GAS2: variants seen among roughly 807,000 people sequenced by gnomAD.
The protein encoded by GAS2 is growth arrest specific 2.
A neutral mutation model predicts 37.5 loss-of-function variants in GAS2; 20 were observed. That is an observed-to-expected ratio of 0.53 (90% CI 0.37 to 0.77). The LOEUF (loss-of-function observed/expected upper bound fraction) is 0.77, where lower values mean the gene tolerates loss of function less well. Among genes scored for constraint, GAS2 ranks in the 30% least tolerant of loss-of-function variants. The pLI is 0.00. For missense variants in GAS2, 336 were observed against 373.4 expected (o/e 0.90, Z 0.82); for synonymous variants, 144 against 132.2 (o/e 1.09, Z -0.61).
chr11:22,646,094 C>T (rs181350004), intron 1 of GAS2, among the ~76,000 whole-genome samples: 11 of 152,174 alleles, frequency 7.2e-5, no homozygotes, highest in African/African-American at 2.6e-4. Context: ...CCAACTGTCT[C>T]GGCCTCCTGA....
intron 1 of GAS2, chr11:22,626,206 A>C (rs904240272): frequency 1.4e-5 from 4 of 283,962 alleles, no homozygotes; most frequent in African/African-American, 6.5e-5. Context: ...AACGCCAGAG[A>C]CATACTGTGA....
At chr11:22,808,219 C>A (rs751159568) in intron 7 of GAS2, among the ~76,000 whole-genome samples, 15 of 152,150 alleles carry the variant, frequency 9.9e-5, no homozygotes, top group African/African-American at 3.1e-4. Context: ...ATCAAAGGAA[C>A]CTTCACATGA....
At chr11:22,685,824 G>C in intron 3 of GAS2, 35 bp downstream of exon 3, 1 of 1,577,938 alleles carries the variant, frequency 6.3e-7, no homozygotes, top group Non-Finnish European at 8.6e-7. Flanking sequence ...ACTCTTAGGT[G>C]GTAGATTACA....
intron 7 of GAS2, among the ~76,000 whole-genome samples, chr11:22,783,246 AG>A (rs1290553048): frequency 1.3e-5 from 2 of 151,988 alleles, no homozygotes; most frequent in Non-Finnish European, 2.9e-5. Context: ...TCTTCTTTTG[AG>A]AGGTGTCTAT....
At chr11:22,753,446 TTCTG>T (rs1448782278) in intron 6 of GAS2, among the ~76,000 whole-genome samples, 1 of 152,118 alleles carries the variant, frequency 6.6e-6, no homozygotes, top group Non-Finnish European at 1.5e-5. Flanking sequence ...TACCAAGAGT[TTCTG>T]TCTTTTGTCT....
intron 5 of GAS2, among the ~76,000 whole-genome samples, chr11:22,743,805 C>T (rs1264560668): frequency 6.6e-6 from 1 of 152,062 alleles, no homozygotes; most frequent in African/African-American, 2.4e-5. Flanking sequence ...CAGAGCATAA[C>T]TGAAGAAAAT....
At position 22,693,950 on chromosome 11, in the gene GAS2, G is replaced by A. The variant is rs189793788; in HGVS notation, c.267+8161G>A. Reference sequence around the variant, plus strand: ...TACTGCATGTTCTCACTTATAAGTGGTATCTAAATGATGAGAACCCATGGA... The same window carrying A: ...TACTGCATGTTCTCACTTATAAGTGATATCTAAATGATGAGAACCCATGGA... On this transcript the variant is annotated intron_variant, in intron 3 of 7. Coordinates refer to ENST00000454584, the MANE Select transcript of GAS2 (RefSeq NM_001143830.3). Among the ~76,000 whole-genome samples, 711 of 152,168 alleles carry A rather than the reference G, an allele frequency of 4.7e-3. 4 individuals carry two copies. The highest frequency in any genetic ancestry group is 6.4e-3 in the Non-Finnish European group (435 of 68,006).
At chr11:22,678,506 C>T (rs1849539489) in intron 2 of GAS2, among the ~76,000 whole-genome samples, 1 of 151,906 alleles carries the variant, frequency 6.6e-6, no homozygotes, top group African/African-American at 2.4e-5. Context: ...TTGAAAGTAG[C>T]TTTGGAATTG....
chr11:22,690,016 A>G (rs1850161865), intron 3 of GAS2, among the ~76,000 whole-genome samples: 1 of 152,246 alleles, frequency 6.6e-6, no homozygotes, highest in Non-Finnish European at 1.5e-5. Flanking sequence ...ATCCAAAGCC[A>G]TGCCACAGGA....
At chr11:22,779,048 T>G (rs1201405936) in intron 7 of GAS2, among the ~76,000 whole-genome samples, 1 of 151,650 alleles carries the variant, frequency 6.6e-6, no homozygotes, top group East Asian at 1.9e-4. Context: ...GTTTTTTGTT[T>G]TTTTTTTTTT....
intron 1 of GAS2, among the ~76,000 whole-genome samples, chr11:22,635,147 A>G (rs1858804245): frequency 6.6e-6 from 1 of 152,174 alleles, no homozygotes; most frequent in African/African-American, 2.4e-5. Context: ...TGTCTCAGGC[A>G]ATGGGCAGAG....
intron 7 of GAS2, among the ~76,000 whole-genome samples, chr11:22,786,653 C>T (rs569659103): frequency 1.1e-4 from 16 of 152,110 alleles, no homozygotes; most frequent in Non-Finnish European, 1.8e-4. Flanking sequence ...TGAATGTTGG[C>T]CTTGTGTGGA....
At chr11:22,775,437 A>C (rs1318405511) in intron 7 of GAS2, among the ~76,000 whole-genome samples, 2 of 152,170 alleles carry the variant, frequency 1.3e-5, no homozygotes, top group African/African-American at 4.8e-5. Context: ...TTGTCCTGCA[A>C]ACGATAACAG....
intron 1 of GAS2, among the ~76,000 whole-genome samples, chr11:22,634,743 A>G (rs541800756): frequency 6.6e-6 from 1 of 152,218 alleles, no homozygotes; most frequent in Admixed American, 6.5e-5. Flanking sequence ...CCTGTTCTCT[A>G]ATCTCACAGT....
chr11:22,648,314 T>G (rs369307805), intron 1 of GAS2, among the ~76,000 whole-genome samples: 29 of 152,188 alleles, frequency 1.9e-4, no homozygotes, highest in African/African-American at 5.8e-4. Flanking sequence ...CCATGCTGTT[T>G]TGGTTATTGT....
At position 22,692,626 on chromosome 11, in the gene GAS2, C is replaced by T. The variant is rs149413516; in HGVS notation, c.267+6837C>T. On this transcript the variant is annotated intron_variant, in intron 3 of 7. Coordinates refer to ENST00000454584, the MANE Select transcript of GAS2 (RefSeq NM_001143830.3). ...TTTCCAAAGGAAGCAGTCAGAAATG[C>T]ATTTATCTCAGCCATCAGAGGTATA... is the stretch of plus-strand genomic sequence containing the variant. Among the ~76,000 whole-genome samples the T allele has an allele frequency of 1.4e-4, 22 of 152,252 alleles. No individual in the cohort carries two copies. The East Asian group carries it at 4.2e-3, about 29-fold the overall frequency.
intron 1 of GAS2, among the ~76,000 whole-genome samples, chr11:22,674,350 C>T (rs1170950799): frequency 6.6e-6 from 1 of 151,946 alleles, no homozygotes; most frequent in Admixed American, 6.6e-5. Context: ...GCTTGGCCGT[C>T]TCCAAAAAAG....
At chr11:22,702,618 T>A (rs1177370490) in intron 3 of GAS2, 1 of 152,142 alleles carries the variant, frequency 6.6e-6, no homozygotes, top group East Asian at 1.9e-4. Context: ...TAAAATAAAA[T>A]CTATCATTTT....
At chr11:22,786,742 A>G (rs994378412) in intron 7 of GAS2, among the ~76,000 whole-genome samples, 6 of 152,290 alleles carry the variant, frequency 3.9e-5, no homozygotes, top group African/African-American at 1.4e-4. Flanking sequence ...TGGGTAGGAC[A>G]TTGTCAGTGT....
Sources: gnomAD v4.1 joint callset for allele counts (sites outside exome capture counted in the v4.1 genomes callset) on GRCh38, gnomAD v4.1.1 for gene constraint, MANE v1.5 for transcripts, NCBI Gene and HGNC (gene_info 2026-07-23, HGNC 2026-07-21) for gene names.